NSUN3: variants seen among roughly 807,000 people sequenced by gnomAD.
The protein encoded by NSUN3 is tRNA (cytosine(34)-C(5))-methyltransferase, mitochondrial.
A neutral mutation model predicts 36.8 loss-of-function variants in NSUN3; 24 were observed. The observed-to-expected ratio is 0.65, with a 90% confidence interval of 0.47 to 0.92. The LOEUF is 0.92. Ranked by LOEUF, NSUN3 falls within the 40% of genes least tolerant of loss-of-function variation. NSUN3 has a pLI of 0.00. For synonymous variants in NSUN3, 146 were observed against 145.2 expected (o/e 1.01, Z -0.04); for missense variants, 381 against 392.8 (o/e 0.97, Z 0.25).
chr3:94,129,751 T>A lies in NSUN3; in HGVS notation c.*3261T>A, dbSNP rs2077502135. Among the ~76,000 whole-genome samples, 1 of 137,688 alleles carries A rather than the reference T, an allele frequency of 7.3e-6. No homozygotes were observed. The allele number at this position is 137,688 out of a possible 152,430, so 90.3% of individuals were successfully genotyped here. On this transcript the variant is annotated 3_prime_UTR_variant, in exon 6 of 6. Transcript: ENST00000314622. The stretch of plus-strand genomic sequence containing the variant: ...TGTTTATATATGTTGTCTTTTTTTT[T>A]TTTTTTTTTTTTTTTTGAGACAGAG...
intron 5 of NSUN3, among the ~76,000 whole-genome samples, chr3:94,098,816 G>A (rs1039127802): frequency 4.6e-5 from 7 of 152,100 alleles, no homozygotes; most frequent in Non-Finnish European, 8.8e-5. Flanking sequence ...TCTCCTTACT[G>A]AAGCCTTGCC....
At chr3:94,068,791 C>G (rs1560028501) in intron 2 of NSUN3, among the ~76,000 whole-genome samples, 1 of 150,978 alleles carries the variant, frequency 6.6e-6, no homozygotes, top group Admixed American at 6.6e-5. Flanking sequence ...AAAATACACA[C>G]ACACACACAC....
Position 94,131,383 on chromosome 3 carries a change from G to T in NSUN3, c.*4893G>T, listed in dbSNP as rs2077508025. Among the ~76,000 whole-genome samples, 2 of 152,328 alleles carry T rather than the reference G, an allele frequency of 1.3e-5. No individual in the cohort carries two copies. The highest frequency in any genetic ancestry group is 2.4e-5 in the African/African-American group (1 of 41,570). The stretch of plus-strand genomic sequence containing the variant: ...CCAACACTATGCTGTCTCACAGAGT[G>T]TAGGTTGTTTGAACCCTCAAGATTA... On this transcript the variant is annotated 3_prime_UTR_variant, in exon 6 of 6. Transcript: ENST00000314622.
chr3:94,126,520 ATT>A lies in NSUN3; in HGVS notation c.*31_*32del. 1 of 1,568,328 alleles carries A rather than the reference ATT, an allele frequency of 6.4e-7. No homozygotes were observed. The highest frequency in any genetic ancestry group is 8.7e-7 in the Non-Finnish European group (1 of 1,150,486). The stretch of plus-strand genomic sequence containing the variant: ...AATTTGTAAACTGTGTTTATGTGTT[ATT>A]ATATTTATATTTCTGAACTCAGTAC... On this transcript the variant is annotated 3_prime_UTR_variant, in exon 6 of 6. Transcript: ENST00000314622.
intron 2 of NSUN3, among the ~76,000 whole-genome samples, chr3:94,083,216 A>G (rs997523728): frequency 6.6e-6 from 1 of 151,972 alleles, no homozygotes; most frequent in Non-Finnish European, 1.5e-5. Context: ...CAGTAATCAT[A>G]ATGTTAACAG....
chr3:94,107,427 A>G (rs1424457177), intron 5 of NSUN3, among the ~76,000 whole-genome samples: 2 of 151,806 alleles, frequency 1.3e-5, no homozygotes, highest in East Asian at 3.9e-4. Flanking sequence ...AGCTGGGACC[A>G]CAGCATGTGC....
At chr3:94,088,295 T>C (rs1184757083) in intron 3 of NSUN3, among the ~76,000 whole-genome samples, 2 of 152,210 alleles carry the variant, frequency 1.3e-5, no homozygotes, top group Non-Finnish European at 2.9e-5. Context: ...TCAAACTTTT[T>C]TTAGTAGTCT....
intron 3 of NSUN3, among the ~76,000 whole-genome samples, chr3:94,088,133 A>G (rs901778944): frequency 6.6e-6 from 1 of 151,992 alleles, no homozygotes; most frequent in Non-Finnish European, 1.5e-5. Flanking sequence ...CATCCTTCAG[A>G]TTATACTTCA....
chr3:94,098,064 C>A (rs565303491), intron 5 of NSUN3, among the ~76,000 whole-genome samples: 3 of 152,078 alleles, frequency 2.0e-5, no homozygotes, highest in Non-Finnish European at 4.4e-5. Context: ...TTCACCAAAT[C>A]GACAAAACAA....
In NSUN3 at chr3:94,126,508, T is replaced by C. The variant is rs750207500; in HGVS notation, c.*18T>C. 12 of 1,588,446 alleles carry C rather than the reference T, an allele frequency of 7.6e-6. No individual in the cohort carries two copies. The African/African-American group carries it at 1.5e-4, about 20-fold the overall frequency. ...AATGGTGACATGAATTTGTAAACTG[T>C]GTTTATGTGTTATTATATTTATATT... On this transcript the variant is annotated 3_prime_UTR_variant, in exon 6 of 6. Transcript: ENST00000314622.
In NSUN3 at chr3:94,084,309, A is replaced by G; in HGVS notation, c.325A>G (p.Asn109Asp). The stretch of plus-strand genomic sequence containing the variant: ...CCCTTCAGAAAGACACCAAATTGGA[A>G]ACCTGAAAAAATATTATCTCCTAAA... The part of the protein sequence containing the change: ...RIPSERHQIG[N>D]LKKYYLLNAA... The change falls in exon 3 of 6, where the codon AAC becomes GAC. Residue 109 changes from asparagine (N) to aspartate (D), a missense_variant. By Grantham distance (23) the Asn-to-Asp change is conservative. Transcript: ENST00000314622. 1 of 1,614,116 alleles carries G rather than the reference A, an allele frequency of 6.2e-7. No homozygotes were observed. Among genetic ancestry groups the G allele is most frequent in the Non-Finnish European group, 8.5e-7 (1 of 1,180,008 alleles).
intron 2 of NSUN3, among the ~76,000 whole-genome samples, chr3:94,074,650 A>G (rs953540239): frequency 1.3e-5 from 2 of 152,052 alleles, no homozygotes; most frequent in Admixed American, 6.5e-5. Context: ...TTGCACATTG[A>G]TTTTGTTCCT....
intron 3 of NSUN3, among the ~76,000 whole-genome samples, chr3:94,088,469 G>T (rs1445387967): frequency 6.6e-6 from 1 of 152,050 alleles, no homozygotes; most frequent in Non-Finnish European, 1.5e-5. Context: ...TGTGAGTTGG[G>T]TATTATTATT....
rs1278508834 is a variant in NSUN3 at position 94,095,078 on chromosome 3, T to A, written c.667T>A (p.Ser223Thr). 1 of 1,613,746 alleles carries A rather than the reference T, an allele frequency of 6.2e-7. No homozygotes were observed. Among genetic ancestry groups the A allele is most frequent in the Admixed American group, 1.7e-5 (1 of 60,020 alleles). The change falls in exon 5 of 6, where the codon TCT becomes ACT. Residue 223 changes from serine to threonine, a missense_variant. Transcript: ENST00000314622. ...TTCAAATGATCGAAGCTGGTTGTTT[T>A]CTTCTGACTCTCAGAAGGCATCCTG... ...PCSNDRSWLF[S>T]SDSQKASCRI...
rs1310088756 is a variant in NSUN3, at chr3:94,129,987, C to T, written c.*3497C>T. On this transcript the variant is annotated 3_prime_UTR_variant, in exon 6 of 6. Transcript: ENST00000314622. The stretch of plus-strand genomic sequence containing the variant: ...GCCAGGTTGATCTTGAACTCCTGAC[C>T]TTGTCATCCACCTGCCTCAGCCTCC... 6.6e-6 allele frequency among the ~76,000 whole-genome samples: 1 copy of T among 151,966 alleles called. No individual in the cohort carries two copies. Among genetic ancestry groups the T allele is most frequent in the Non-Finnish European group, 1.5e-5 (1 of 67,980 alleles).
intron 3 of NSUN3, among the ~76,000 whole-genome samples, chr3:94,091,012 G>A (rs191003443): frequency 9.2e-5 from 14 of 152,258 alleles, no homozygotes; most frequent in Admixed American, 5.9e-4. Context: ...CTTTGATGCC[G>A]TGTTCCTCTC....
intron 5 of NSUN3, among the ~76,000 whole-genome samples, chr3:94,114,638 G>A (rs1418906747): frequency 1.3e-5 from 2 of 151,884 alleles, no homozygotes; most frequent in Non-Finnish European, 1.5e-5. Flanking sequence ...TTTTAGATTC[G>A]GGGGTACATG....
At chr3:94,072,346 C>T (rs1047361345) in intron 2 of NSUN3, among the ~76,000 whole-genome samples, 3 of 152,112 alleles carry the variant, frequency 2.0e-5, no homozygotes, top group Non-Finnish European at 4.4e-5. Context: ...AGGTAAGTTG[C>T]CAAAATCTCT....
chr3:94,126,612 A>C lies in NSUN3; in HGVS notation c.*122A>C. The stretch of plus-strand genomic sequence containing the variant: ...GTCTGTTTGGAATCCTATTTAGTTA[A>C]TACTTTAGCATCTTAGAATCTAGGC... On this transcript the variant is annotated 3_prime_UTR_variant, in exon 6 of 6. Transcript: ENST00000314622. 1 of 812,202 alleles carries C rather than the reference A, an allele frequency of 1.2e-6. No individual in the cohort carries two copies. The highest frequency in any genetic ancestry group is 2.7e-5 in the East Asian group (1 of 36,974). 50.3% of individuals were successfully genotyped at this position (812,202 alleles called of 1,614,324 possible). A position where few individuals can be genotyped will look rare whatever the true frequency, so the allele number is the denominator to read the frequency against.
Sources: gnomAD v4.1 joint callset for allele counts (sites outside exome capture counted in the v4.1 genomes callset) on GRCh38, gnomAD v4.1.1 for gene constraint, MANE v1.5 for transcripts, NCBI Gene and HGNC (gene_info 2026-07-23, HGNC 2026-07-21) for gene names.